The following RGS7 variants were observed in gnomAD, a reference collection of about 807,000 sequenced individuals.
The protein encoded by RGS7 is regulator of G-protein signaling 7.
A neutral mutation model predicts 81.1 loss-of-function variants in RGS7; 27 were observed. That is an observed-to-expected ratio of 0.33 (90% CI 0.25 to 0.46). The LOEUF is 0.46. Among genes scored for constraint, RGS7 ranks in the 20% least tolerant of loss-of-function variants. The probability of loss-of-function intolerance (pLI) is 1.00; values close to 1 mark genes in which losing one functional copy is unlikely to be tolerated. For synonymous variants in RGS7, 208 were observed against 207.7 expected (o/e 1.00, Z -0.01); for missense variants, 396 against 607.4 (o/e 0.65, Z 3.66).
intron 3 of RGS7, among the ~76,000 whole-genome samples, chr1:241,020,001 C>T (rs765794670): frequency 3.3e-5 from 5 of 152,170 alleles, no homozygotes; most frequent in Non-Finnish European, 7.3e-5. Flanking sequence ...GTGATGACTT[C>T]TAAGTTCTTT....
At chr1:241,052,903 A>C (rs2061325007) in intron 3 of RGS7, among the ~76,000 whole-genome samples, 1 of 152,038 alleles carries the variant, frequency 6.6e-6, no homozygotes, top group African/African-American at 2.4e-5. Flanking sequence ...GAACAAGATA[A>C]TTTTTCCACC....
At chr1:241,092,785 C>T (rs2063971742) in intron 3 of RGS7, among the ~76,000 whole-genome samples, 1 of 151,964 alleles carries the variant, frequency 6.6e-6, no homozygotes, top group African/African-American at 2.4e-5. Flanking sequence ...TTATTCCTTA[C>T]CTGCCTTCAA....
At chr1:241,015,193 C>T (rs563104045) in intron 3 of RGS7, among the ~76,000 whole-genome samples, 8 of 152,138 alleles carry the variant, frequency 5.3e-5, no homozygotes, top group Non-Finnish European at 1.2e-4. Flanking sequence ...CTAAGATAAT[C>T]CTTTGGAAGC....
At chr1:241,024,889 T>C (rs1017813241) in intron 3 of RGS7, among the ~76,000 whole-genome samples, 3 of 152,180 alleles carry the variant, frequency 2.0e-5, no homozygotes, top group Admixed American at 1.3e-4. Context: ...GTCAAAGAGA[T>C]TGCTGATTGC....
intron 2 of RGS7, among the ~76,000 whole-genome samples, chr1:241,124,405 TA>T (rs2066507454): frequency 6.6e-6 from 1 of 151,720 alleles, no homozygotes; most frequent in South Asian, 2.1e-4. Context: ...TTGAAAAAAA[TA>T]AAAAAGAAAG....
At chr1:241,025,173 G>T (rs578107887) in intron 3 of RGS7, among the ~76,000 whole-genome samples, 1 of 152,302 alleles carries the variant, frequency 6.6e-6, no homozygotes, top group Admixed American at 6.5e-5. Context: ...CAAACAAGGA[G>T]TTGAGGATAC....
rs577060640 is a variant in RGS7 at position 240,784,612 on chromosome 1, C to G, written c.*7-8399G>C. Among the ~76,000 whole-genome samples, 1,144 of 151,186 alleles carry G rather than the reference C, an allele frequency of 7.6e-3. 8 individuals are homozygous for G. The highest frequency in any genetic ancestry group is 0.025 in the African/African-American group (1,035 of 41,136). On this transcript the variant is annotated intron_variant, in intron 18 of 18. Coordinates refer to ENST00000440928, the MANE Select transcript of RGS7 (RefSeq NM_001364886.1). ...AGTGAACCAAGATTGCTCCACTGCG[C>G]TCCAGCCTGGGCAACAGAATAAGAC...
chr1:241,139,843 T>C (rs971210123), intron 2 of RGS7, among the ~76,000 whole-genome samples: 3 of 152,254 alleles, frequency 2.0e-5, no homozygotes, highest in African/African-American at 7.2e-5. Context: ...ACTGATCTTT[T>C]CTTGTCACTA....
At chr1:240,970,298 C>A (rs529419184) in intron 4 of RGS7, among the ~76,000 whole-genome samples, 1 of 152,188 alleles carries the variant, frequency 6.6e-6, no homozygotes, top group African/African-American at 2.4e-5. Flanking sequence ...ATACCCCCTA[C>A]TTTGGCAATG....
chr1:241,186,819 G>A (rs10737854), intron 2 of RGS7, among the ~76,000 whole-genome samples: 61,667 of 151,808 alleles, frequency 0.41, 12,856 homozygotes, highest in East Asian at 0.63. Flanking sequence ...GAGCCACCGC[G>A]CCCGGCCATC....
At chr1:240,789,378 G>T (rs1410639879) in intron 18 of RGS7, among the ~76,000 whole-genome samples, 1 of 152,190 alleles carries the variant, frequency 6.6e-6, no homozygotes. Flanking sequence ...CTTGAGAAAA[G>T]AACAGGATAA....
intron 18 of RGS7, among the ~76,000 whole-genome samples, chr1:240,795,380 G>A (rs1464427460): frequency 1.3e-5 from 2 of 152,166 alleles, no homozygotes; most frequent in African/African-American, 4.8e-5. Flanking sequence ...TCATTAATGT[G>A]TAACACACTG....
At chr1:241,046,318 C>A (rs1329906489) in intron 3 of RGS7, among the ~76,000 whole-genome samples, 5 of 140,514 alleles carry the variant, frequency 3.6e-5, no homozygotes, top group African/African-American at 1.3e-4. Context: ...CCCCCCTTTT[C>A]TAGTCATCCC....
At chr1:240,998,467 C>T in intron 3 of RGS7, 1 of 967,078 alleles carries the variant, frequency 1.0e-6, no homozygotes, top group Non-Finnish European at 1.6e-6. Flanking sequence ...GACCAAAGCC[C>T]ATGTCACCAT....
chr1:241,061,957 C>G (rs763949893), intron 3 of RGS7, among the ~76,000 whole-genome samples: 2 of 152,198 alleles, frequency 1.3e-5, no homozygotes, highest in African/African-American at 2.4e-5. Flanking sequence ...TCAAGAATCA[C>G]AACATATTTA....
At chr1:241,218,825 T>C (rs2074726540) in intron 2 of RGS7, among the ~76,000 whole-genome samples, 1 of 151,988 alleles carries the variant, frequency 6.6e-6, no homozygotes, top group Non-Finnish European at 1.5e-5. Flanking sequence ...TTTTTTTGTA[T>C]TTTTAGTAGA....
rs369554254 is a variant in RGS7 at position 241,075,536 on chromosome 1, GGAA to G, written c.175+23127_175+23129del. ...TATTTTGGCTTCCCTGAGCCACATT[GGAA>G]GAAGAAGAATTGTCTTGGGCCATAC... is the stretch of plus-strand genomic sequence containing the variant. On this transcript the variant is annotated intron_variant, in intron 3 of 18. Coordinates refer to ENST00000440928, the MANE Select transcript of RGS7 (RefSeq NM_001364886.1). 5.8e-4 allele frequency among the ~76,000 whole-genome samples: 88 copies of G among 152,160 alleles called. 3 individuals carry two copies. In the South Asian group the frequency reaches 0.017, roughly 29 times the overall value.
At position 240,928,242 on chromosome 1, in the gene RGS7, C is replaced by T. The variant is rs140593705; in HGVS notation, c.385+2475G>A. On this transcript the variant is annotated intron_variant, in intron 6 of 18. Coordinates refer to ENST00000440928, the MANE Select transcript of RGS7 (RefSeq NM_001364886.1). ...CCTTTCTTGTGGCCACCCAAGACCA[C>T]GCTTCTGTCTGTAAGTTCCCCAATA... Among the ~76,000 whole-genome samples, 4 of 152,322 alleles carry T rather than the reference C, an allele frequency of 2.6e-5. No homozygotes were observed. In the East Asian group the frequency reaches 5.8e-4, roughly 22 times the overall value.
chr1:241,152,330 T>A (rs192004125), intron 2 of RGS7, among the ~76,000 whole-genome samples: 10 of 152,372 alleles, frequency 6.6e-5, no homozygotes, highest in African/African-American at 2.2e-4. Flanking sequence ...ATGTTTATTA[T>A]TTTAAAGTAG....
Sources: gnomAD v4.1 joint callset for allele counts (sites outside exome capture counted in the v4.1 genomes callset) on GRCh38, gnomAD v4.1.1 for gene constraint, MANE v1.5 for transcripts, NCBI Gene and HGNC (gene_info 2026-07-23, HGNC 2026-07-21) for gene names.